The following TRIM71 variants were observed in gnomAD, a reference collection of about 807,000 sequenced individuals.
TRIM71 encodes E3 ubiquitin-protein ligase TRIM71.
TRIM71 carries 9 observed loss-of-function variants against 61.2 expected under a neutral mutation model. The observed-to-expected ratio is 0.15, with a 90% CI of 0.09 to 0.26. TRIM71 has a LOEUF of 0.26. Ranked by LOEUF, TRIM71 falls within the 10% of genes least tolerant of loss-of-function variation. The pLI, the probability that TRIM71 is intolerant of heterozygous loss-of-function variation, is 1.00. For missense variants in TRIM71, 998 were observed against 1,238.7 expected (o/e 0.81, Z 2.92); for synonymous variants, 645 against 553.2 (o/e 1.17, Z -2.33).
At chr3:32,862,827 T>C (rs1696686048) in intron 1 of TRIM71, among the ~76,000 whole-genome samples, 1 of 152,234 alleles carries the variant, frequency 6.6e-6, no homozygotes, top group South Asian at 2.1e-4. Flanking sequence ...TGATTTCATA[T>C]GGCTTTGTAT....
intron 1 of TRIM71, among the ~76,000 whole-genome samples, chr3:32,837,755 G>A (rs184497558): frequency 4.6e-5 from 7 of 152,120 alleles, no homozygotes; most frequent in African/African-American, 1.2e-4. Context: ...TCAGTGAGCC[G>A]ACATTATACC....
At chr3:32,880,934 A>T (rs1696901158) in intron 2 of TRIM71, among the ~76,000 whole-genome samples, 1 of 152,180 alleles carries the variant, frequency 6.6e-6, no homozygotes, top group African/African-American at 2.4e-5. Context: ...TATTTTACAT[A>T]CAACTAACAA....
intron 1 of TRIM71, among the ~76,000 whole-genome samples, chr3:32,848,350 A>C (rs1696498628): frequency 6.6e-6 from 1 of 152,150 alleles, no homozygotes. Flanking sequence ...AATCCTGCCA[A>C]GGGAGTTTTG....
chr3:32,877,658 T>A (rs1346029035), intron 2 of TRIM71, among the ~76,000 whole-genome samples: 1 of 152,184 alleles, frequency 6.6e-6, no homozygotes, highest in Non-Finnish European at 1.5e-5. Flanking sequence ...TTGCCCAGCC[T>A]GACAATTTCT....
rs1697086550 is a variant in TRIM71 at position 32,896,998 on chromosome 3, T to A, written c.*5187T>A. 1 of 141,986 alleles carries A rather than the reference T, an allele frequency of 7.0e-6. No homozygotes were observed. Among genetic ancestry groups the A allele is most frequent in the South Asian group, 2.3e-4 (1 of 4,312 alleles). The allele number at this position is 141,986 out of a possible 1,614,324, so 8.8% of individuals were successfully genotyped here. ...AAGATTCCTTTCTTTTTTTCCCTTT[T>A]CTCCTAAAATCGATGCAGGTAAGGG... On this transcript the variant is annotated 3_prime_UTR_variant, in exon 4 of 4. Coordinates refer to ENST00000383763, the MANE Select transcript of TRIM71 (RefSeq NM_001039111.3).
Position 32,825,704 on chromosome 3 carries a change from GATA to G in TRIM71, c.852+6775_852+6777del, listed in dbSNP as rs10575307. ...ACATTTTGGAAGCGAGCAAGAGAAA[GATA>G]ATGATAAAGAATTACAGTTGCCTTA... On this transcript the variant is annotated intron_variant, in intron 1 of 3. Transcript: ENST00000383763. Among the ~76,000 whole-genome samples the G allele has an allele frequency of 9.1e-3, 1,385 of 152,272 alleles. 22 individuals carry two copies. The highest frequency in any genetic ancestry group is 0.032 in the African/African-American group (1,337 of 41,558).
intron 1 of TRIM71, among the ~76,000 whole-genome samples, chr3:32,857,894 C>T (rs1162287565): frequency 2.6e-5 from 4 of 152,028 alleles, no homozygotes; most frequent in Non-Finnish European, 4.4e-5. Flanking sequence ...TCGCTTGAAC[C>T]CAGGAGGCGG....
intron 1 of TRIM71, among the ~76,000 whole-genome samples, chr3:32,827,403 C>T (rs987585661): frequency 1.3e-5 from 2 of 151,602 alleles, no homozygotes; most frequent in African/African-American, 4.9e-5. Context: ...GCTGGGATCA[C>T]AGGCATGCAC....
At chr3:32,879,951 ACT>A (rs1481442495) in intron 2 of TRIM71, among the ~76,000 whole-genome samples, 1 of 151,598 alleles carries the variant, frequency 6.6e-6, no homozygotes, top group Non-Finnish European at 1.5e-5. Context: ...ACAGAGCAAG[ACT>A]CTGTCTCAAA....
intron 1 of TRIM71, among the ~76,000 whole-genome samples, chr3:32,824,431 G>C (rs538060696): frequency 6.6e-6 from 1 of 150,896 alleles, no homozygotes; most frequent in African/African-American, 2.4e-5. Context: ...GACCTCAGGT[G>C]ATCCACCTGC....
chr3:32,819,180 T>C (rs1436340068), intron 1 of TRIM71, among the ~76,000 whole-genome samples: 1 of 152,228 alleles, frequency 6.6e-6, no homozygotes, highest in Admixed American at 6.5e-5. Flanking sequence ...CCTTTTCTGA[T>C]TTTAATTTCT....
At chr3:32,856,018 T>TTTA (rs1696599810) in intron 1 of TRIM71, among the ~76,000 whole-genome samples, 1 of 138,198 alleles carries the variant, frequency 7.2e-6, no homozygotes, top group Non-Finnish European at 1.6e-5. Context: ...TTATTTATTT[T>TTTA]TGCTTTTTTG....
At chr3:32,852,428 A>T (rs1696548725) in intron 1 of TRIM71, among the ~76,000 whole-genome samples, 1 of 152,206 alleles carries the variant, frequency 6.6e-6, no homozygotes, top group African/African-American at 2.4e-5. Flanking sequence ...AAATGCAGTG[A>T]TAGGAGAGTG....
chr3:32,857,082 T>C (rs1022726870), intron 1 of TRIM71, among the ~76,000 whole-genome samples: 9 of 152,208 alleles, frequency 5.9e-5, no homozygotes, highest in Non-Finnish European at 1.0e-4. Flanking sequence ...TCCACGTGGC[T>C]GGAACAATCA....
Position 32,818,543 on chromosome 3 carries a change from C to T in TRIM71, c.463C>T (p.His155Tyr). The T allele has an allele frequency of 1.6e-6, 2 of 1,287,252 alleles. No homozygotes were observed. The highest frequency in any genetic ancestry group is 9.8e-7 in the Non-Finnish European group (1 of 1,023,958). The allele number at this position is 1,287,252 out of a possible 1,614,324, so 79.7% of individuals were successfully genotyped here. Residue 155 changes from histidine to tyrosine, a missense_variant, in exon 1 of 4, where the codon CAC becomes TAC. Physicochemically the swap from His to Tyr is moderately conservative, Grantham distance 83 (BLOSUM62 2). This residue lies in a region of TRIM71 where 527 missense variants were observed against 427.8 expected (regional missense o/e 1.23). Coordinates refer to ENST00000383763, the MANE Select transcript of TRIM71 (RefSeq NM_001039111.3). ...CAGCAACCACCGGCACCACGCTCAC[C>T]ACGCGCACCCGCGCGCGTCCGCCTC... is the stretch of plus-strand genomic sequence containing the variant. Reference protein sequence around the residue: ...GHSNHRHHAHHAHPRASASAP... With the variant: ...GHSNHRHHAHYAHPRASASAP...
intron 1 of TRIM71, among the ~76,000 whole-genome samples, chr3:32,856,447 T>C (rs146138771): frequency 3.9e-4 from 59 of 152,228 alleles, no homozygotes; most frequent in African/African-American, 1.2e-3. Context: ...CTTATTCAGT[T>C]GTCCCTTCTT....
intron 1 of TRIM71, among the ~76,000 whole-genome samples, chr3:32,819,935 T>C (rs1269123879): frequency 6.6e-6 from 1 of 152,254 alleles, no homozygotes; most frequent in Non-Finnish European, 1.5e-5. Context: ...CTTTGGGCTG[T>C]CGAGTAAACA....
chr3:32,873,755 C>G, intron 1 of TRIM71, 63 bp from the exon 2 acceptor site: 1 of 1,390,194 alleles, frequency 7.2e-7, no homozygotes. Context: ...CCTCCAGTTG[C>G]TGTCTTCCCT....
chr3:32,881,748 C>G (rs906740425), intron 2 of TRIM71, among the ~76,000 whole-genome samples: 15 of 152,222 alleles, frequency 9.9e-5, no homozygotes, highest in Admixed American at 9.8e-4. Flanking sequence ...CCCAACCTAT[C>G]TGCCCTGTAT....
Sources: allele counts gnomAD v4.1 joint callset (sites outside exome capture counted in the v4.1 genomes callset), GRCh38; gene constraint gnomAD v4.1.1; regional missense constraint gnomAD v4.1.1; transcripts MANE v1.5; gene names NCBI Gene and HGNC (gene_info 2026-07-23, HGNC 2026-07-21).